NEB: variants seen among roughly 807,000 people sequenced by gnomAD.
NEB encodes the protein nemaline myopathy type 2.
A neutral mutation model predicts 952.2 loss-of-function variants in NEB; 512 were observed. That is an observed-to-expected ratio of 0.54 (90% CI 0.50 to 0.58). NEB has a LOEUF of 0.58. Ranked by LOEUF, NEB falls within the 20% of genes least tolerant of loss-of-function variation. NEB has a pLI of 0.00. For missense variants in NEB, 8,428 were observed against 9,231.1 expected (o/e 0.91, Z 3.56); for synonymous variants, 2,900 against 3,149.8 (o/e 0.92, Z 2.66).
At chr2:151,648,977 T>A (rs2098997593) in intron 54 of NEB, among the ~76,000 whole-genome samples, 1 of 152,130 alleles carries the variant, frequency 6.6e-6, no homozygotes, top group South Asian at 2.1e-4. Flanking sequence ...TTCCCCAAAC[T>A]AGAGCACACT....
intron 142 of NEB, among the ~76,000 whole-genome samples, chr2:151,534,846 A>G (rs189680878): frequency 6.6e-6 from 1 of 152,226 alleles, no homozygotes; most frequent in Non-Finnish European, 1.5e-5. Flanking sequence ...GTAATTCTTC[A>G]GGGTTGTCCA....
At chr2:151,591,136 CA>C (rs1295144989) in intron 96 of NEB, among the ~76,000 whole-genome samples, 180 of 118,108 alleles carry the variant, frequency 1.5e-3, no homozygotes, top group African/African-American at 5.7e-3. Flanking sequence ...AAAAGAAAAT[CA>C]AAATCTGTGC....
At chr2:151,573,558 A>G (rs1198877032) in intron 107 of NEB, among the ~76,000 whole-genome samples, 2 of 152,226 alleles carry the variant, frequency 1.3e-5, no homozygotes, top group African/African-American at 4.8e-5. Context: ...TTTCTTCTTA[A>G]ACACTGGAAA....
intron 154 of NEB, among the ~76,000 whole-genome samples, chr2:151,519,317 T>A (rs906201137): frequency 5.3e-5 from 8 of 152,216 alleles, no homozygotes; most frequent in Non-Finnish European, 8.8e-5. Flanking sequence ...AGTTCTGATA[T>A]ATCCTACAAC....
In NEB at chr2:151,614,597, T is replaced by TA. The variant is rs749393120; in HGVS notation, c.11290-11dup. On this transcript the variant is annotated splice_polypyrimidine_tract_variant and intron_variant, in intron 76 of 181. Transcript: ENST00000397345. ...CTTCCTTGTACTTGTACTAAAAAAA[T>TA]AGAGATATGAGTATAATGACAAGAA... 5.6e-6 allele frequency: 9 copies of TA among 1,608,086 alleles called. No homozygotes were observed. The highest frequency in any genetic ancestry group is 7.7e-6 in the Non-Finnish European group (9 of 1,175,208).
chr2:151,522,505 G>A lies in NEB; in HGVS notation c.22479+1806C>T, dbSNP rs564645145. Among the ~76,000 whole-genome samples, 11 of 152,296 alleles carry A rather than the reference G, an allele frequency of 7.2e-5. No homozygotes were observed. In the South Asian group the frequency reaches 2.3e-3, roughly 32 times the overall value. ...CATTAGGAGTCCATCTCTGAGTCTAGTCTACCTTCCTATTCCAAGTGGTAT... is the reference window on the plus strand; with the variant it reads ...CATTAGGAGTCCATCTCTGAGTCTAATCTACCTTCCTATTCCAAGTGGTAT... On this transcript the variant is annotated intron_variant, in intron 153 of 181. Coordinates refer to ENST00000397345, the MANE Select transcript of NEB (RefSeq NM_001164508.2).
At chr2:151,537,812 T>C (rs1367475719) in intron 140 of NEB, 60 bp downstream of exon 140, 1 of 1,152,436 alleles carries the variant, frequency 8.7e-7, no homozygotes, top group Non-Finnish European at 1.2e-6. Flanking sequence ...CCATGTATGA[T>C]TTCAGAGCTT....
intron 145 of NEB, 132 bp downstream of exon 145, chr2:151,530,862 A>T (rs1038074444): frequency 1.8e-5 from 11 of 612,064 alleles, no homozygotes; most frequent in Non-Finnish European, 3.2e-5. Context: ...AGCAAAAGAG[A>T]TGACTATTAT....
At chr2:151,651,961 G>C (rs1267914483) in intron 52 of NEB, among the ~76,000 whole-genome samples, 1 of 152,036 alleles carries the variant, frequency 6.6e-6, no homozygotes, top group Non-Finnish European at 1.5e-5. Context: ...ATTTTGACAA[G>C]AGTTTTGAAA....
At chr2:151,719,801 C>G (rs1422245080) in intron 9 of NEB, among the ~76,000 whole-genome samples, 2 of 147,168 alleles carry the variant, frequency 1.4e-5, no homozygotes, top group African/African-American at 5.0e-5. Context: ...ATCACTTGAG[C>G]CTGGGAGGTG....
rs1194301158 is a variant in NEB at position 151,643,847 on chromosome 2, C to G, written c.7927G>C (p.Ala2643Pro). Residue 2643 changes from alanine to proline, a missense_variant, in exon 57 of 182, where the codon GCT (alanine) becomes CCT (proline). Coordinates refer to ENST00000397345, the MANE Select transcript of NEB (RefSeq NM_001164508.2). ...CTCTGGAGGTCATAGGCCTGCCGAG[C>G]ATGGATGACATCGCTCTGGTCGGGC... is the stretch of plus-strand genomic sequence containing the variant. The part of the protein sequence containing the change: ...CLPDQSDVIH[A>P]RQAYDLQSDN... 6.2e-7 allele frequency: 1 copy of G among 1,613,844 alleles called. No homozygotes were observed. The highest frequency in any genetic ancestry group is 8.5e-7 in the Non-Finnish European group (1 of 1,179,748).
chr2:151,693,217 C>G (rs909251586), intron 20 of NEB, among the ~76,000 whole-genome samples: 1 of 152,126 alleles, frequency 6.6e-6, no homozygotes, highest in African/African-American at 2.4e-5. Flanking sequence ...ATTAGGAAAG[C>G]AATTTCTGTG....
chr2:151,628,786 C>A (rs950465512), intron 68 of NEB, among the ~76,000 whole-genome samples: 1 of 151,948 alleles, frequency 6.6e-6, no homozygotes, highest in Non-Finnish European at 1.5e-5. Flanking sequence ...CACTTGAACC[C>A]GGGAGGCGGA....
chr2:151,620,986 C>G lies in NEB; in HGVS notation c.10493G>C (p.Gly3498Ala), dbSNP rs746300613. The G allele has an allele frequency of 1.2e-6, 2 of 1,612,582 alleles. No individual in the cohort carries two copies. The highest frequency in any genetic ancestry group is 2.7e-5 in the African/African-American group (2 of 74,914). The change falls in exon 72 of 182, where the codon GGC becomes GCC. Residue 3498 changes from glycine to alanine, a missense_variant. Gly to Ala is a moderately conservative substitution (Grantham distance 60, BLOSUM62 0). This residue lies in a region of NEB where 1,772 missense variants were observed against 1,960.3 expected (regional missense o/e 0.90). Coordinates refer to ENST00000397345, the MANE Select transcript of NEB (RefSeq NM_001164508.2). ...AATGGCATCACTTCTCAAGTCATAG[C>G]CTTCTTTCTTGGCTTCTTCCATGGC... Reference protein sequence around the residue: ...RQAMEEAKKEGYDLRSDAIPI... With the variant: ...RQAMEEAKKEAYDLRSDAIPI...
In NEB at chr2:151,531,087, C is replaced by T; in HGVS notation, c.21537G>A (p.Leu7179=). ...CTCTGGGTTTGGCCTTGTTGTATTCCAATTTATAAAGGATCTGAAAGATCA... is the reference window on the plus strand; with the variant it reads ...CTCTGGGTTTGGCCTTGTTGTATTCTAATTTATAAAGGATCTGAAAGATCA... ...NKQISDILYK[L]EYNKAKPRGY... is the part of the protein sequence containing the mutation. Residue 7179 remains leucine (L), a synonymous_variant, in exon 145 of 182, where the codon TTG becomes TTA. Coordinates refer to ENST00000397345, the MANE Select transcript of NEB (RefSeq NM_001164508.2). The T allele has an allele frequency of 1.9e-6, 3 of 1,608,154 alleles. No individual in the cohort carries two copies. Among genetic ancestry groups the T allele is most frequent in the Non-Finnish European group, 2.6e-6 (3 of 1,175,378 alleles).
At chr2:151,568,803 T>C (rs1416501837) in intron 110 of NEB, 87 bp from the exon 111 acceptor site, 1 of 933,182 alleles carries the variant, frequency 1.1e-6, no homozygotes, top group Non-Finnish European at 1.6e-6. Flanking sequence ...AGTCCTTCTC[T>C]ACTAGAAACA....
intron 57 of NEB, 30 bp downstream of exon 57, chr2:151,643,788 T>A (rs766380418): frequency 6.2e-7 from 1 of 1,601,694 alleles, no homozygotes; most frequent in Non-Finnish European, 8.5e-7. Flanking sequence ...ACATAATGTT[T>A]TGTTGGCCAA....
intron 168 of NEB, 48 bp downstream of exon 168, chr2:151,501,343 G>GA: frequency 2.4e-6 from 3 of 1,264,064 alleles, no homozygotes; most frequent in Middle Eastern, 1.9e-4. Flanking sequence ...CTGTTTTGTA[G>GA]AAATTATTAT....
intron 156 of NEB, among the ~76,000 whole-genome samples, chr2:151,516,853 C>T (rs139512360): frequency 2.0e-5 from 3 of 152,272 alleles, no homozygotes; most frequent in East Asian, 1.9e-4. Context: ...TGCAAGAAAA[C>T]GCATGGGGAA....
Sources: gnomAD v4.1 joint callset for allele counts (sites outside exome capture counted in the v4.1 genomes callset) on GRCh38, gnomAD v4.1.1 for gene constraint, gnomAD v4.1.1 regional missense constraint, MANE v1.5 for transcripts, NCBI Gene and HGNC (gene_info 2026-07-23, HGNC 2026-07-21) for gene names.